EPHA3: variants seen among roughly 807,000 people sequenced by gnomAD.
The protein encoded by EPHA3 is ephrin type-A receptor 3.
Under a neutral mutation model 107.1 loss-of-function variants are expected in EPHA3, and 42 were observed. The ratio of observed to expected loss-of-function variants is 0.39; its 90% CI spans 0.31 to 0.51. EPHA3 has a LOEUF of 0.51. Ranked by LOEUF, EPHA3 falls within the 20% of genes least tolerant of loss-of-function variation. The pLI, the probability that EPHA3 is intolerant of heterozygous loss-of-function variation, is 0.78. For missense variants in EPHA3, 1,183 were observed against 1,211.2 expected, an observed-to-expected ratio of 0.98 and a Z score of 0.35; for synonymous variants, 461 against 424.8, an observed-to-expected ratio of 1.09 and a Z score of -1.05.
chr3:89,227,171 A>G (rs770489466), intron 3 of EPHA3, among the ~76,000 whole-genome samples: 1 of 152,116 alleles, frequency 6.6e-6, no homozygotes, highest in Non-Finnish European at 1.5e-5. Context: ...TATGTTAAAC[A>G]TATCATTTCT....
chr3:89,253,309 T>C lies in EPHA3; in HGVS notation c.814+42789T>C, dbSNP rs562541105. On this transcript the variant is annotated intron_variant, in intron 3 of 16. Coordinates refer to ENST00000336596, the MANE Select transcript of EPHA3 (RefSeq NM_005233.6). ...TACAATATGTTTATATTTGGGAAACTCTTGAGATTTTCTTTGAAAAGAATG... is the reference window on the plus strand; with the variant it reads ...TACAATATGTTTATATTTGGGAAACCCTTGAGATTTTCTTTGAAAAGAATG... Among the ~76,000 whole-genome samples the C allele has an allele frequency of 3.5e-4, 54 of 152,218 alleles. 1 individual carries two copies. The South Asian group carries it at 7.7e-3, about 22-fold the overall frequency.
chr3:89,382,822 G>A (rs889762128), intron 5 of EPHA3, among the ~76,000 whole-genome samples: 1 of 152,120 alleles, frequency 6.6e-6, no homozygotes, highest in Non-Finnish European at 1.5e-5. Flanking sequence ...CTCTGGATTG[G>A]TTAGTTTGCA....
chr3:89,185,174 C>T (rs1362380374), intron 2 of EPHA3, among the ~76,000 whole-genome samples: 1 of 151,950 alleles, frequency 6.6e-6, no homozygotes, highest in African/African-American at 2.4e-5. Context: ...AAAGCAGCAT[C>T]AGTAATATAA....
At chr3:89,415,981 G>T (rs1406288080) in intron 10 of EPHA3, among the ~76,000 whole-genome samples, 2 of 150,868 alleles carry the variant, frequency 1.3e-5, no homozygotes, top group African/African-American at 4.9e-5. Flanking sequence ...ATTTTTTTTT[G>T]AGGATTAAAC....
At chr3:89,173,952 T>C (rs1191603105) in intron 2 of EPHA3, among the ~76,000 whole-genome samples, 1 of 152,020 alleles carries the variant, frequency 6.6e-6, no homozygotes, top group African/African-American at 2.4e-5. Context: ...GTAGCAAACA[T>C]GCATTTTATT....
chr3:89,229,619 G>A (rs1253241378), intron 3 of EPHA3, among the ~76,000 whole-genome samples: 1 of 151,144 alleles, frequency 6.6e-6, no homozygotes, highest in African/African-American at 2.4e-5. Context: ...ACAATTTGCA[G>A]GCTTAAAGCA....
intron 2 of EPHA3, among the ~76,000 whole-genome samples, chr3:89,182,621 T>G (rs1705467453): frequency 6.6e-6 from 1 of 151,950 alleles, no homozygotes; most frequent in South Asian, 2.1e-4. Context: ...AAGTATAGCT[T>G]AAATGAAATA....
rs1217401185 is a variant in EPHA3 at position 89,342,856 on chromosome 3, CAT to C, written c.1306+768_1306+769del. Reference sequence around the variant, plus strand: ...GAGATATTATTGTCTTATTTTTACACATACACACACACACACACACACACACA... The same window carrying C: ...GAGATATTATTGTCTTATTTTTACACACACACACACACACACACACACACA... On this transcript the variant is annotated intron_variant, in intron 5 of 16. Transcript: ENST00000336596. Among the ~76,000 whole-genome samples the C allele has an allele frequency of 3.7e-3, 505 of 137,866 alleles. 3 individuals are homozygous for C. Among genetic ancestry groups the C allele is most frequent in the African/African-American group, 0.014 (457 of 33,512 alleles). 90.4% of individuals were successfully genotyped at this position (137,866 alleles called of 152,430 possible). A position where few individuals can be genotyped will look rare whatever the true frequency, so the allele number is the denominator to read the frequency against.
chr3:89,125,965 A>G (rs1576166855), intron 1 of EPHA3, among the ~76,000 whole-genome samples: 1 of 151,684 alleles, frequency 6.6e-6, no homozygotes, highest in Admixed American at 6.6e-5. Flanking sequence ...TCAAATACAC[A>G]ATTTATTTTT....
intron 3 of EPHA3, among the ~76,000 whole-genome samples, chr3:89,254,667 T>C (rs1001652037): frequency 1.3e-5 from 2 of 152,240 alleles, no homozygotes; most frequent in Admixed American, 6.5e-5. Context: ...TTATAACGGT[T>C]TAACATTTCC....
intron 10 of EPHA3, among the ~76,000 whole-genome samples, chr3:89,416,321 A>G (rs775152445): frequency 6.6e-6 from 1 of 151,584 alleles, no homozygotes; most frequent in Non-Finnish European, 1.5e-5. Context: ...TCTAGAAATG[A>G]CAAGATCTGA....
At chr3:89,111,515 C>A (rs577238107) in intron 1 of EPHA3, among the ~76,000 whole-genome samples, 2 of 136,988 alleles carry the variant, frequency 1.5e-5, no homozygotes, top group Middle Eastern at 3.8e-3. Flanking sequence ...ACATCCCCCC[C>A]CCACCCCGCC....
intron 1 of EPHA3, among the ~76,000 whole-genome samples, chr3:89,109,222 T>A (rs138996387): frequency 1.2e-3 from 182 of 152,198 alleles, no homozygotes; most frequent in African/African-American, 4.3e-3. Context: ...TCAAGAAAAT[T>A]ATCTTACCCA....
At chr3:89,323,698 A>T (rs1707096151) in intron 3 of EPHA3, among the ~76,000 whole-genome samples, 1 of 152,128 alleles carries the variant, frequency 6.6e-6, no homozygotes, top group African/African-American at 2.4e-5. Context: ...TTTAATAAGT[A>T]CTATATTCTA....
At chr3:89,205,854 T>C (rs1706088954) in intron 2 of EPHA3, among the ~76,000 whole-genome samples, 2 of 152,140 alleles carry the variant, frequency 1.3e-5, no homozygotes, top group South Asian at 4.1e-4. Flanking sequence ...GGATAGAATC[T>C]CTGATAAAAT....
At chr3:89,343,631 A>G (rs1707582696) in intron 5 of EPHA3, among the ~76,000 whole-genome samples, 2 of 152,208 alleles carry the variant, frequency 1.3e-5, no homozygotes, top group Admixed American at 6.5e-5. Flanking sequence ...TCAAATATGT[A>G]TCTTTCTGAT....
intron 13 of EPHA3, among the ~76,000 whole-genome samples, chr3:89,439,435 G>A (rs1216103762): frequency 6.6e-6 from 1 of 151,938 alleles, no homozygotes; most frequent in African/African-American, 2.4e-5. Context: ...TTTAGGCTGG[G>A]GCAACAGAGT....
chr3:89,395,996 GGCAAGAA>G (rs1311722824), intron 6 of EPHA3, 35 bp downstream of exon 6: 1 of 1,608,040 alleles, frequency 6.2e-7, no homozygotes, highest in Admixed American at 1.7e-5. Flanking sequence ...GGGCTGTGTA[GGCAAGAA>G]GCTGTTTCCT....
chr3:89,401,614 C>CTTTT (rs200505489), intron 7 of EPHA3, among the ~76,000 whole-genome samples: 15 of 152,042 alleles, frequency 9.9e-5, no homozygotes, highest in African/African-American at 2.7e-4. Flanking sequence ...CTCAAAATCT[C>CTTTT]TTTCTTTTTT....
Sources: gnomAD v4.1 joint callset for allele counts (sites outside exome capture counted in the v4.1 genomes callset) on GRCh38, gnomAD v4.1.1 for gene constraint, MANE v1.5 for transcripts, NCBI Gene and HGNC (gene_info 2026-07-23, HGNC 2026-07-21) for gene names.